Variants in RFFL observed in about 807,000 individuals in gnomAD.
RFFL encodes the protein ring finger and FYVE like domain containing E3 ubiquitin protein ligase.
In RFFL, 16 loss-of-function variants were observed where a neutral mutation model predicts 40.4. The observed-to-expected ratio is 0.40, with a 90% confidence interval of 0.27 to 0.60. The LOEUF is 0.60. Among genes scored for constraint, RFFL ranks in the 20% least tolerant of loss-of-function variants. RFFL has a pLI of 0.47. For missense variants in RFFL, 367 were observed against 451.7 expected (o/e 0.81, Z 1.70); for synonymous variants, 154 against 167.9 (o/e 0.92, Z 0.64).
chr17:35,015,519 G>C (rs1391263292), intron 5 of RFFL, among the ~76,000 whole-genome samples: 1 of 152,210 alleles, frequency 6.6e-6, no homozygotes, highest in Non-Finnish European at 1.5e-5. Flanking sequence ...CAGACTCCAT[G>C]TCAGTAGGCC....
At chr17:35,069,451 C>T in intron 1 of RFFL, 1 of 388,922 alleles carries the variant, frequency 2.6e-6, no homozygotes, top group Non-Finnish European at 5.1e-6. Flanking sequence ...GACTGCACAG[C>T]TTGAATGTCC....
chr17:35,021,422 T>C lies in RFFL; in HGVS notation c.540A>G (p.Ser180=), dbSNP rs1269222614. Residue 180 remains serine, a synonymous_variant, in exon 3 of 7, where the codon TCA becomes TCG. Coordinates refer to ENST00000394597, the MANE Select transcript of RFFL (RefSeq NM_001017368.2). ...GGGGAACAGAGGTGGCTTGTGCAGA[T>C]GAAGAGGGGAGGTTGGGTGAGGTAG... The part of the protein sequence containing the change: ...VPPTSPNLPS[S]SAQATSVPPA... 6.5e-7 allele frequency: 1 copy of C among 1,536,930 alleles called. No homozygotes were observed. Among genetic ancestry groups the C allele is most frequent in the Non-Finnish European group, 8.7e-7 (1 of 1,145,640 alleles).
rs529406296 is a variant in RFFL at position 35,016,858 on chromosome 17, T to C, written c.676-278A>G. 2.0e-5 allele frequency among the ~76,000 whole-genome samples: 3 copies of C among 152,304 alleles called. No individual in the cohort carries two copies. The South Asian group carries it at 6.2e-4, about 32-fold the overall frequency. ...GAAGTATAGTAGAAGGAGTGCTGGT[T>C]TGAGTCATATGACCCTAATTTTGAA... On this transcript the variant is annotated intron_variant, in intron 4 of 6. Coordinates refer to ENST00000394597, the MANE Select transcript of RFFL (RefSeq NM_001017368.2).
chr17:35,054,743 G>A (rs2091250367), intron 1 of RFFL, among the ~76,000 whole-genome samples: 2 of 152,126 alleles, frequency 1.3e-5, no homozygotes, highest in South Asian at 4.1e-4. Flanking sequence ...CATGGGGCCT[G>A]GGTCAGACAG....
chr17:35,031,905 C>A (rs2091085882), intron 1 of RFFL, among the ~76,000 whole-genome samples: 1 of 151,830 alleles, frequency 6.6e-6, no homozygotes, highest in African/African-American at 2.4e-5. Flanking sequence ...ACCATCCTGG[C>A]TAACAGGGTG....
At chr17:35,067,680 C>A (rs1286718148), upstream of RFFL, among the ~76,000 whole-genome samples, 1 of 152,082 alleles carries the variant, frequency 6.6e-6, no homozygotes, top group Non-Finnish European at 1.5e-5. Context: ...GTCTTGAACT[C>A]CTGGCCTCAA....
rs377113098 is a variant in RFFL at position 35,055,214 on chromosome 17, G to A, written c.-9+8362C>T. Among the ~76,000 whole-genome samples the A allele has an allele frequency of 6.6e-5, 10 of 151,306 alleles. No homozygotes were observed. The East Asian group carries it at 8.0e-4, about 12-fold the overall frequency. Reference sequence around the variant, plus strand: ...ATTACAGGCGTGAGCCACAGCGCCCGGCCAATGGTCACCAATGATCTTCTG... The same window carrying A: ...ATTACAGGCGTGAGCCACAGCGCCCAGCCAATGGTCACCAATGATCTTCTG... On this transcript the variant is annotated intron_variant, in intron 1 of 6. Coordinates refer to ENST00000394597, the MANE Select transcript of RFFL (RefSeq NM_001017368.2).
chr17:35,046,572 G>C (rs1194087514), intron 1 of RFFL, among the ~76,000 whole-genome samples: 2 of 152,064 alleles, frequency 1.3e-5, no homozygotes, highest in Admixed American at 1.3e-4. Flanking sequence ...ATGAATAAGG[G>C]GGAAAGGAGA....
At chr17:35,036,787 C>A (rs2142339794) in intron 1 of RFFL, among the ~76,000 whole-genome samples, 1 of 152,294 alleles carries the variant, frequency 6.6e-6, no homozygotes, top group South Asian at 2.1e-4. Flanking sequence ...AATGTGATTT[C>A]TACCTATTAA....
In RFFL at chr17:35,007,704, C is replaced by T. The variant is rs1156810366; in HGVS notation, c.*4264G>A. 2 of 152,094 alleles carry T rather than the reference C, an allele frequency of 1.3e-5. No individual in the cohort carries two copies. Among genetic ancestry groups the T allele is most frequent in the African/African-American group, 2.4e-5 (1 of 41,408 alleles). The allele number at this position is 152,094 out of a possible 1,614,324, so 9.4% of individuals were successfully genotyped here. On this transcript the variant is annotated 3_prime_UTR_variant, in exon 7 of 7. Transcript: ENST00000394597. ...AGGGAGGTTTGTACAAGCCTGCGCACACACAGCAGTCTGTCACGAGGCTGG... is the reference window on the plus strand; with the variant it reads ...AGGGAGGTTTGTACAAGCCTGCGCATACACAGCAGTCTGTCACGAGGCTGG...
In RFFL at chr17:35,047,533, T is replaced by TTTG. The variant is rs375094246; in HGVS notation, c.-9+16040_-9+16042dup. Among the ~76,000 whole-genome samples, 223 of 152,188 alleles carry TTTG rather than the reference T, an allele frequency of 1.5e-3. 1 individual carries two copies. The highest frequency in any genetic ancestry group is 5.2e-3 in the African/African-American group (215 of 41,510). On this transcript the variant is annotated intron_variant, in intron 1 of 6. Coordinates refer to ENST00000394597, the MANE Select transcript of RFFL (RefSeq NM_001017368.2). ...AAGAAAGTACTTTGTTAAGGTTGTT[T>TTTG]TTGTTGTTGTTGTTGTTGTTTTAAC...
intron 1 of RFFL, among the ~76,000 whole-genome samples, chr17:35,059,096 G>A (rs543822308): frequency 6.9e-6 from 1 of 144,548 alleles, no homozygotes; most frequent in Admixed American, 7.2e-5. Flanking sequence ...TTGGCTCACT[G>A]CAACCTCCGC....
chr17:35,009,418 A>G lies in RFFL; in HGVS notation c.*2550T>C, dbSNP rs1302511668. The G allele has an allele frequency of 6.6e-6, 1 of 152,228 alleles. No homozygotes were observed. Among genetic ancestry groups the G allele is most frequent in the Non-Finnish European group, 1.5e-5 (1 of 68,044 alleles). The allele number at this position is 152,228 out of a possible 1,614,324, so 9.4% of individuals were successfully genotyped here. Reference sequence around the variant, plus strand: ...CAGAGTAATCAGCAAAAGCTACGGAATAATTCTAAGAATTAGATGTTTCCA... The same window carrying G: ...CAGAGTAATCAGCAAAAGCTACGGAGTAATTCTAAGAATTAGATGTTTCCA... On this transcript the variant is annotated 3_prime_UTR_variant, in exon 7 of 7. Coordinates refer to ENST00000394597, the MANE Select transcript of RFFL (RefSeq NM_001017368.2).
chr17:35,057,325 C>T (rs1000632008), intron 1 of RFFL, among the ~76,000 whole-genome samples: 1 of 152,112 alleles, frequency 6.6e-6, no homozygotes, highest in Non-Finnish European at 1.5e-5. Context: ...AGCTCTCCCA[C>T]TTCACTCACC....
chr17:35,021,205 T>C (rs1190978647), intron 3 of RFFL, among the ~76,000 whole-genome samples, 166 bp downstream of exon 3: 1 of 152,118 alleles, frequency 6.6e-6, no homozygotes, highest in African/African-American at 2.4e-5. Context: ...AGCCAAAACA[T>C]GAGTCTGATA....
intron 6 of RFFL, among the ~76,000 whole-genome samples, chr17:35,014,334 A>G (rs2090959945): frequency 6.6e-6 from 1 of 152,156 alleles, no homozygotes; most frequent in Non-Finnish European, 1.5e-5. Flanking sequence ...GGTTAGTACC[A>G]GAAGCTGCTA....
Position 35,009,929 on chromosome 17 carries a change from A to G in RFFL, c.*2039T>C, listed in dbSNP as rs1007218727. 1.3e-5 allele frequency: 2 copies of G among 152,628 alleles called. No homozygotes were observed. The highest frequency in any genetic ancestry group is 2.9e-5 in the Non-Finnish European group (2 of 68,024). 9.5% of individuals were successfully genotyped at this position (152,628 alleles called of 1,614,324 possible). ...CTTTGCTAATTGGTAGGCATTGTAA[A>G]CTATAGTATTTACTGCCCATGACAA... On this transcript the variant is annotated 3_prime_UTR_variant, in exon 7 of 7. Transcript: ENST00000394597.
intron 1 of RFFL, among the ~76,000 whole-genome samples, chr17:35,058,861 A>G (rs2091275456): frequency 6.6e-6 from 1 of 151,964 alleles, no homozygotes; most frequent in Non-Finnish European, 1.5e-5. Context: ...GGTGAAGTCA[A>G]TGTCCCCTCC....
chr17:35,062,627 C>T (rs548806975), intron 1 of RFFL, among the ~76,000 whole-genome samples: 11 of 152,300 alleles, frequency 7.2e-5, no homozygotes, highest in Non-Finnish European at 1.5e-4. Context: ...GAAGAGGTGA[C>T]TTCTAGGCTG....
Sources: allele counts gnomAD v4.1 joint callset (sites outside exome capture counted in the v4.1 genomes callset), GRCh38; gene constraint gnomAD v4.1.1; transcripts MANE v1.5; gene names NCBI Gene and HGNC (gene_info 2026-07-23, HGNC 2026-07-21).